TAFA2: variants seen among roughly 807,000 people sequenced by gnomAD.
TAFA2 encodes the protein TAFA chemokine like family member 2.
Under a neutral mutation model 18.8 loss-of-function variants are expected in TAFA2, and 7 were observed. The observed-to-expected ratio is 0.37, with a 90% CI of 0.21 to 0.70. The LOEUF is 0.70. TAFA2 is among the 30% of genes least tolerant of loss of function. TAFA2 has a pLI of 0.53. For missense variants in TAFA2, 122 were observed against 158.1 expected, an observed-to-expected ratio of 0.77 and a Z score of 1.23; for synonymous variants, 60 against 54.2, an observed-to-expected ratio of 1.11 and a Z score of -0.47.
At chr12:61,865,987 G>A (rs1874338048) in intron 2 of TAFA2, among the ~76,000 whole-genome samples, 1 of 152,048 alleles carries the variant, frequency 6.6e-6, no homozygotes, top group Non-Finnish European at 1.5e-5. Context: ...TTCGTTCTTT[G>A]GTCTTGTTGG....
chr12:61,994,718 G>A lies in TAFA2; in HGVS notation c.-1-127292C>T, dbSNP rs149651810. Reference sequence around the variant, plus strand: ...ATTTTTTTATATTCTAGTAGCTTTTGACACAGTTGTCCACTCAATCTCCCT... The same window carrying A: ...ATTTTTTTATATTCTAGTAGCTTTTAACACAGTTGTCCACTCAATCTCCCT... On this transcript the variant is annotated intron_variant, in intron 1 of 4. Coordinates refer to ENST00000416284, the MANE Select transcript of TAFA2 (RefSeq NM_178539.5). Among the ~76,000 whole-genome samples the A allele has an allele frequency of 6.8e-3, 1,038 of 152,022 alleles. 11 individuals carry two copies. The highest frequency in any genetic ancestry group is 0.027 in the Middle Eastern group (8 of 294).
At chr12:61,930,308 A>C (rs1458989358) in intron 1 of TAFA2, among the ~76,000 whole-genome samples, 1 of 152,140 alleles carries the variant, frequency 6.6e-6, no homozygotes, top group Non-Finnish European at 1.5e-5. Context: ...AGCACAAATG[A>C]AGTTTTAAGA....
intron 1 of TAFA2, among the ~76,000 whole-genome samples, chr12:62,025,597 T>C (rs1017718578): frequency 2.6e-5 from 4 of 152,144 alleles, no homozygotes; most frequent in African/African-American, 9.7e-5. Flanking sequence ...CATTCATATT[T>C]AAGCAGAGTG....
intron 1 of TAFA2, among the ~76,000 whole-genome samples, chr12:61,964,208 A>G (rs1196808544): frequency 6.6e-6 from 1 of 152,064 alleles, no homozygotes; most frequent in African/African-American, 2.4e-5. Context: ...TTGCAGCAAA[A>G]GCCAGAATTG....
intron 4 of TAFA2, among the ~76,000 whole-genome samples, chr12:61,715,913 TA>T (rs970735344): frequency 7.3e-4 from 107 of 146,158 alleles, no homozygotes; most frequent in Middle Eastern, 3.5e-3. Context: ...TGAGACTGTC[TA>T]AAAAAAAAAA....
At position 61,881,222 on chromosome 12, in the gene TAFA2, T is replaced by C. The variant is rs548267936; in HGVS notation, c.-1-13796A>G. Among the ~76,000 whole-genome samples the C allele has an allele frequency of 2.0e-5, 3 of 152,228 alleles. No homozygotes were observed. In the East Asian group the frequency reaches 5.8e-4, roughly 29 times the overall value. On this transcript the variant is annotated intron_variant, in intron 1 of 4. Coordinates refer to ENST00000416284, the MANE Select transcript of TAFA2 (RefSeq NM_178539.5). ...AGCTGATTATTTGCCAATATAATAT[T>C]ATATATACAGTTATGCATTGCTCAG...
At chr12:61,786,097 C>G (rs773303833) in intron 2 of TAFA2, among the ~76,000 whole-genome samples, 2 of 151,488 alleles carry the variant, frequency 1.3e-5, no homozygotes, top group Non-Finnish European at 3.0e-5. Context: ...ACTATCCAAT[C>G]AAAGGGAAAG....
chr12:61,815,377 G>C lies in TAFA2; in HGVS notation c.106+51943C>G, dbSNP rs922309166. On this transcript the variant is annotated intron_variant, in intron 2 of 4. Transcript: ENST00000416284. ...ACATTCAAAAGGAAATAAAAAGTAG[G>C]CAATTGAGGCTGGGCGTGGTGGCTC... Among the ~76,000 whole-genome samples, 7 of 151,354 alleles carry C rather than the reference G, an allele frequency of 4.6e-5. 1 individual carries two copies. Among genetic ancestry groups the C allele is most frequent in the African/African-American group, 1.5e-4 (6 of 40,708 alleles).
At chr12:62,238,099 G>A (rs2062846268) in intron 1 of TAFA2, among the ~76,000 whole-genome samples, 1 of 152,126 alleles carries the variant, frequency 6.6e-6, no homozygotes, top group South Asian at 2.1e-4. Flanking sequence ...TTCCTGCAAG[G>A]GAACCCAGGA....
chr12:61,769,992 G>A (rs188924529), intron 2 of TAFA2, among the ~76,000 whole-genome samples: 230 of 152,076 alleles, frequency 1.5e-3, no homozygotes, highest in African/African-American at 5.3e-3. Context: ...TCAAAAAAAT[G>A]ATACAGGATA....
intron 1 of TAFA2, among the ~76,000 whole-genome samples, chr12:61,894,273 G>A (rs181213918): frequency 6.6e-5 from 10 of 152,172 alleles, no homozygotes; most frequent in Non-Finnish European, 1.3e-4. Context: ...GTGCCATAAC[G>A]TACATCATTA....
intron 1 of TAFA2, among the ~76,000 whole-genome samples, chr12:61,907,297 T>C (rs1301579223): frequency 6.6e-6 from 1 of 152,094 alleles, no homozygotes; most frequent in Non-Finnish European, 1.5e-5. Context: ...CCTACTCTTC[T>C]ATGCAGCCTC....
At chr12:61,872,100 C>T (rs1874634179) in intron 1 of TAFA2, among the ~76,000 whole-genome samples, 1 of 151,848 alleles carries the variant, frequency 6.6e-6, no homozygotes, top group Admixed American at 6.6e-5. Flanking sequence ...AACTGTTATG[C>T]TATGAGAAAA....
intron 1 of TAFA2, among the ~76,000 whole-genome samples, chr12:61,874,178 G>T (rs1269316944): frequency 6.6e-6 from 1 of 152,098 alleles, no homozygotes; most frequent in Non-Finnish European, 1.5e-5. Context: ...TATATTGTAA[G>T]TTATAATCAA....
At chr12:61,931,522 C>A (rs1877553788) in intron 1 of TAFA2, among the ~76,000 whole-genome samples, 1 of 152,140 alleles carries the variant, frequency 6.6e-6, no homozygotes, top group Non-Finnish European at 1.5e-5. Context: ...AACCACACAC[C>A]TATCGTGGAA....
chr12:61,979,173 C>T (rs1294301998), intron 1 of TAFA2, among the ~76,000 whole-genome samples: 2 of 152,118 alleles, frequency 1.3e-5, no homozygotes, highest in Non-Finnish European at 2.9e-5. Flanking sequence ...AACAAACTCC[C>T]CCAAATACTA....
At chr12:62,239,105 G>A (rs985374753) in intron 1 of TAFA2, among the ~76,000 whole-genome samples, 1 of 151,796 alleles carries the variant, frequency 6.6e-6, no homozygotes, top group African/African-American at 2.4e-5. Context: ...TTTTCCCTCT[G>A]TGCCAATTTC....
intron 1 of TAFA2, among the ~76,000 whole-genome samples, chr12:61,935,469 T>C (rs1162881231): frequency 1.3e-5 from 2 of 152,176 alleles, no homozygotes; most frequent in African/African-American, 4.8e-5. Context: ...GTTGATGTGC[T>C]ACACCACAGC....
intron 1 of TAFA2, among the ~76,000 whole-genome samples, chr12:62,165,931 TCTCTCTCTCACACA>T: frequency 1.6e-5 from 2 of 121,282 alleles, no homozygotes; most frequent in African/African-American, 6.5e-5. Context: ...TCTCTCTCTC[TCTCTCTCTCACACA>T]CACACACACA....
Sources: gnomAD v4.1 joint callset for allele counts (sites outside exome capture counted in the v4.1 genomes callset) on GRCh38, gnomAD v4.1.1 for gene constraint, MANE v1.5 for transcripts, NCBI Gene and HGNC (gene_info 2026-07-23, HGNC 2026-07-21) for gene names.